RORC: variants seen among roughly 807,000 people sequenced by gnomAD.
RORC encodes nuclear receptor ROR-gamma.
A neutral mutation model predicts 64.5 loss-of-function variants in RORC; 13 were observed. The observed-to-expected ratio is 0.20, with a 90% CI of 0.13 to 0.32. The LOEUF (loss-of-function observed/expected upper bound fraction) is 0.32. RORC is among the 10% of genes least tolerant of loss of function. RORC has a pLI of 1.00. For missense variants in RORC, 468 were observed against 669.5 expected (o/e 0.70, Z 3.32); for synonymous variants, 277 against 259.3 (o/e 1.07, Z -0.65).
chr1:151,831,047 G>A (rs1439423437), intron 1 of RORC: 1 of 1,289,300 alleles, frequency 7.8e-7, no homozygotes. Context: ...CTGCTCTGAG[G>A]GGGTTCCTGA....
rs1471289251 is a variant in RORC at position 151,807,748 on chromosome 1, C to G, written c.1396-115G>C. On this transcript the variant is annotated intron_variant, in intron 10 of 10. Coordinates refer to ENST00000318247, the MANE Select transcript of RORC (RefSeq NM_005060.4). This position sits in a 1 kb window ranked among gnomAD's most constrained non-coding sequence, Gnocchi z 5.0. ...ACCCTCCTTGCCTTCCCCTTATGTACTTGGCACTTTGGCACCAGCCAAATC... is the reference window on the plus strand; with the variant it reads ...ACCCTCCTTGCCTTCCCCTTATGTAGTTGGCACTTTGGCACCAGCCAAATC... 8 of 1,169,746 alleles carry G rather than the reference C, an allele frequency of 6.8e-6. No homozygotes were observed. Among genetic ancestry groups the G allele is most frequent in the South Asian group, 1.5e-5 (1 of 65,328 alleles). 72.5% of individuals were successfully genotyped at this position (1,169,746 alleles called of 1,614,324 possible).
intron 2 of RORC, among the ~76,000 whole-genome samples, chr1:151,828,333 C>A (rs1188196091): frequency 6.6e-6 from 1 of 152,178 alleles, no homozygotes; most frequent in Non-Finnish European, 1.5e-5. Flanking sequence ...GACCCATGCT[C>A]ACAGAAGGGC....
At chr1:151,814,138 T>C (rs1651651334) in intron 6 of RORC, 1 of 176,476 alleles carries the variant, frequency 5.7e-6, no homozygotes, top group African/African-American at 2.4e-5. Context: ...TTCTGTCTGT[T>C]AAAAGTAGGA....
chr1:151,814,396 G>A, intron 6 of RORC, 178 bp downstream of exon 6: 1 of 632,322 alleles, frequency 1.6e-6, no homozygotes, highest in Non-Finnish European at 2.8e-6. Flanking sequence ...ATCTGCTGGG[G>A]TGTAGACAGA....
Position 151,830,310 on chromosome 1 carries a change from C to T in RORC, c.41-852G>A, listed in dbSNP as rs1006392685. ...GGTCGATGGGGGTCACATGGATACT[C>T]GGACCTCCAGGGGGAGCAGCCGTTG... is the stretch of plus-strand genomic sequence containing the variant. On this transcript the variant is annotated intron_variant, in intron 1 of 10. Coordinates refer to ENST00000318247, the MANE Select transcript of RORC (RefSeq NM_005060.4). This position sits in a 1 kb window ranked among gnomAD's most constrained non-coding sequence, Gnocchi z 4.0. Among the ~76,000 whole-genome samples the T allele has an allele frequency of 4.7e-4, 71 of 151,512 alleles. No homozygotes were observed. The highest frequency in any genetic ancestry group is 2.0e-4 in the East Asian group (1 of 5,108).
chr1:151,827,592 G>A (rs970398022), intron 2 of RORC, among the ~76,000 whole-genome samples: 2 of 152,140 alleles, frequency 1.3e-5, no homozygotes, highest in African/African-American at 4.8e-5. Flanking sequence ...AGAGTCTCTC[G>A]GCCTGGGGGA....
In RORC at chr1:151,816,668, T is replaced by A. The variant is rs1310761919; in HGVS notation, c.294A>T (p.Arg98=). The stretch of plus-strand genomic sequence containing the variant: ...GGGCTGTCGACTTGGCCTCACCATC[T>A]CGGGACATGCCCAGCGCCAGGCATT... The part of the protein sequence containing the change: ...LQKCLALGMS[R]DAVKFGRMSK... Residue 98 remains arginine (R), a synonymous_variant, in exon 4 of 11, where the codon CGA becomes CGT. Transcript: ENST00000318247. 3.1e-6 allele frequency: 5 copies of A among 1,604,268 alleles called. No individual in the cohort carries two copies. In the Admixed American group the frequency reaches 6.8e-5, roughly 22 times the overall value.
At chr1:151,831,097 G>A (rs1054072927) in intron 1 of RORC, 9 of 1,288,414 alleles carry the variant, frequency 7.0e-6, no homozygotes, top group African/African-American at 1.5e-5. Context: ...CTGACATTCT[G>A]TCCTTCCCTG....
At position 151,831,710 on chromosome 1, in the gene RORC, C is replaced by G. The variant is rs781480838; in HGVS notation, c.40+15G>C. On this transcript the variant is annotated intron_variant, in intron 1 of 10. Coordinates refer to ENST00000318247, the MANE Select transcript of RORC (RefSeq NM_005060.4). ...CAGTCTCTTCCACCTGCAGGCAGGG[C>G]CATGGGCCTCTTACCCCGTGAGGCT... 1.9e-6 allele frequency: 3 copies of G among 1,610,950 alleles called. No homozygotes were observed. Among genetic ancestry groups the G allele is most frequent in the Non-Finnish European group, 1.7e-6 (2 of 1,179,996 alleles).
At chr1:151,812,914 G>T in intron 9 of RORC, 33 bp downstream of exon 9, 1 of 1,404,730 alleles carries the variant, frequency 7.1e-7, no homozygotes, top group Non-Finnish European at 1.0e-6. Context: ...CCTGCCACCT[G>T]AATGTCCTTC....
intron 2 of RORC, among the ~76,000 whole-genome samples, chr1:151,821,102 C>T (rs996514291): frequency 3.9e-5 from 6 of 152,194 alleles, no homozygotes; most frequent in African/African-American, 1.4e-4. Flanking sequence ...AGGCAAAGTC[C>T]TCCATCCTCC....
intron 10 of RORC, among the ~76,000 whole-genome samples, chr1:151,808,261 AC>A (rs1286401257): frequency 6.6e-6 from 1 of 152,202 alleles, no homozygotes; most frequent in East Asian, 1.9e-4. Flanking sequence ...AACTAAACAG[AC>A]TTTCTAAGCA....
At chr1:151,809,617 G>T (rs1202730596) in intron 10 of RORC, among the ~76,000 whole-genome samples, 1 of 152,116 alleles carries the variant, frequency 6.6e-6, no homozygotes, top group Non-Finnish European at 1.5e-5. Context: ...GTAATAGTAG[G>T]GAAGGTGATG....
At position 151,807,657 on chromosome 1, in the gene RORC, G is replaced by A. The variant is rs1367724545; in HGVS notation, c.1396-24C>T. The A allele has an allele frequency of 6.2e-7, 1 of 1,612,874 alleles. No homozygotes were observed. The highest frequency in any genetic ancestry group is 8.5e-7 in the Non-Finnish European group (1 of 1,179,260). ...AGCTGGATATGGGTTAATGGGGAAGGGAGGGTCAATACTTCAGCTCTCCTC... is the reference window on the plus strand; with the variant it reads ...AGCTGGATATGGGTTAATGGGGAAGAGAGGGTCAATACTTCAGCTCTCCTC... On this transcript the variant is annotated intron_variant, in intron 10 of 10. Coordinates refer to ENST00000318247, the MANE Select transcript of RORC (RefSeq NM_005060.4). This position sits in a 1 kb window ranked among gnomAD's most constrained non-coding sequence, Gnocchi z 5.0.
At position 151,814,557 on chromosome 1, in the gene RORC, A is replaced by G; in HGVS notation, c.933+17T>C. 3 of 1,604,332 alleles carry G rather than the reference A, an allele frequency of 1.9e-6. No individual in the cohort carries two copies. The highest frequency in any genetic ancestry group is 2.6e-6 in the Non-Finnish European group (3 of 1,173,114). On this transcript the variant is annotated intron_variant, in intron 6 of 10. Coordinates refer to ENST00000318247, the MANE Select transcript of RORC (RefSeq NM_005060.4). ...GGGGTGGGATACGTTCCCTTCCTGC[A>G]GGTCTCCTGGCCTCACCTTCCTCTG...
rs187005517 is a variant in RORC at position 151,815,102 on chromosome 1, G to A, written c.622C>T (p.Arg208Trp). ...CTCTCTCTGCCCTCAGCCTTGCCCC[G>A]CTCAGGGCTGTATTCAAGGTGGCAT... is the stretch of plus-strand genomic sequence containing the variant. ...ASCHLEYSPE[R>W]GKAEGRESFY... Residue 208 changes from arginine to tryptophan, a missense_variant, in exon 5 of 11, where the codon CGG becomes TGG. This residue lies in a region of RORC where 241 missense variants were observed against 295.5 expected (regional missense o/e 0.82). Transcript: ENST00000318247. 3.7e-6 allele frequency: 6 copies of A among 1,614,146 alleles called. No individual in the cohort carries two copies. Among genetic ancestry groups the A allele is most frequent in the South Asian group, 3.3e-5 (3 of 91,078 alleles).
At chr1:151,823,066 C>T (rs556090960) in intron 2 of RORC, among the ~76,000 whole-genome samples, 3 of 151,964 alleles carry the variant, frequency 2.0e-5, no homozygotes, top group Admixed American at 6.5e-5. Context: ...ACCTTGGGCT[C>T]GGTGGTTTGG....
chr1:151,830,803 C>G lies in RORC; in HGVS notation c.40+922G>C. On this transcript the variant is annotated intron_variant, in intron 1 of 10. Coordinates refer to ENST00000318247, the MANE Select transcript of RORC (RefSeq NM_005060.4). This position sits in a 1 kb window ranked among gnomAD's most constrained non-coding sequence, Gnocchi z 4.0. ...CCCGAGGTGGCAAGGCCCCACCCAG[C>G]CCCGCCCACCTCCCCTTGCTCCTGC... The G allele has an allele frequency of 9.9e-6, 4 of 402,120 alleles. No homozygotes were observed. Among genetic ancestry groups the G allele is most frequent in the Admixed American group, 3.8e-5 (1 of 26,014 alleles). The allele number at this position is 402,120 out of a possible 1,614,324, so 24.9% of individuals were successfully genotyped here. A position where few individuals can be genotyped will look rare whatever the true frequency, so the allele number is the denominator to read the frequency against.
chr1:151,820,203 TG>T (rs1651933047), intron 2 of RORC, among the ~76,000 whole-genome samples: 1 of 151,162 alleles, frequency 6.6e-6, no homozygotes, highest in African/African-American at 2.4e-5. Context: ...AAAGTACCAG[TG>T]CTGTGTACAT....
Sources: gnomAD v4.1 joint callset for allele counts (sites outside exome capture counted in the v4.1 genomes callset) on GRCh38, gnomAD v4.1.1 for gene constraint, gnomAD v4.1.1 regional missense constraint, Gnocchi (gnomAD v3.1) non-coding constraint, MANE v1.5 for transcripts, NCBI Gene and HGNC (gene_info 2026-07-23, HGNC 2026-07-21) for gene names.